SPAG9: variants seen among roughly 807,000 people sequenced by gnomAD.
The protein encoded by SPAG9 is sperm associated antigen 9.
Under a neutral mutation model 166.5 loss-of-function variants are expected in SPAG9, and 35 were observed. That is an observed-to-expected ratio of 0.21 (90% confidence interval 0.16 to 0.28). SPAG9 has a LOEUF of 0.28. Ranked by LOEUF, SPAG9 falls within the 10% of genes least tolerant of loss-of-function variation. SPAG9 has a pLI of 1.00. For missense variants in SPAG9, 1,235 were observed against 1,603.3 expected (o/e 0.77, Z 3.92); for synonymous variants, 534 against 565.5 (o/e 0.94, Z 0.79).
In SPAG9 at chr17:51,053,848, AAAAAAAGT is replaced by A. The variant is rs1450131041; in HGVS notation, c.495+2556_495+2563del. Among the ~76,000 whole-genome samples the A allele has an allele frequency of 8.1e-4, 52 of 64,236 alleles. 1 individual carries two copies. Among genetic ancestry groups the A allele is most frequent in the African/African-American group, 3.9e-3 (51 of 13,008 alleles). The allele number at this position is 64,236 out of a possible 152,430, so 42.1% of individuals were successfully genotyped here. The stretch of plus-strand genomic sequence containing the variant: ...GTGAGACCCTAATTAAAAAAAAAAA[AAAAAAAGT>A]ATATATATATATATATATATATATA... On this transcript the variant is annotated intron_variant, in intron 3 of 29. Transcript: ENST00000262013.
intron 2 of SPAG9, among the ~76,000 whole-genome samples, chr17:51,074,815 A>C (rs1207492034): frequency 6.6e-6 from 1 of 152,040 alleles, no homozygotes; most frequent in Non-Finnish European, 1.5e-5. Context: ...AAAAGGTATG[A>C]CTCTCTGGAC....
chr17:51,113,679 C>CAAA (rs11329853), intron 1 of SPAG9, among the ~76,000 whole-genome samples: 1 of 128,820 alleles, frequency 7.8e-6, no homozygotes, highest in Non-Finnish European at 1.6e-5. Context: ...GACCCCATCT[C>CAAA]AAAAAAAAAA....
chr17:51,036,267 CAT>C (rs760160338), intron 5 of SPAG9, among the ~76,000 whole-genome samples: 44 of 152,256 alleles, frequency 2.9e-4, no homozygotes, highest in African/African-American at 8.9e-4. Flanking sequence ...GTAGTCTACA[CAT>C]GTTATTTCCT....
At position 50,965,083 on chromosome 17, in the gene SPAG9, T is replaced by C. The variant is rs1973297585; in HGVS notation, c.*1189A>G. 6.6e-6 allele frequency: 1 copy of C among 152,266 alleles called. No homozygotes were observed. Among genetic ancestry groups the C allele is most frequent in the Admixed American group, 6.6e-5 (1 of 15,264 alleles). 9.4% of individuals were successfully genotyped at this position (152,266 alleles called of 1,614,324 possible). ...ACCTATTTTTTTTTTTTAATGGGCA[T>C]TGTGAATGAAAATATGTAATGTCAA... On this transcript the variant is annotated 3_prime_UTR_variant, in exon 30 of 30. Transcript: ENST00000262013.
rs201808028 is a variant in SPAG9 at position 51,101,271 on chromosome 17, A to G, written c.303+19083T>C. 1.1e-4 allele frequency among the ~76,000 whole-genome samples: 17 copies of G among 148,356 alleles called. No individual in the cohort carries two copies. The East Asian group carries it at 3.5e-3, about 30-fold the overall frequency. On this transcript the variant is annotated intron_variant, in intron 1 of 29. Coordinates refer to ENST00000262013, the MANE Select transcript of SPAG9 (RefSeq NM_001130528.3). ...TGAGGCAGGAGAATTGCTCAAACCC[A>G]GGAGGCAGAGGTTACAGTGAGCCGA...
chr17:50,993,709 C>CCCA, intron 19 of SPAG9, 55 bp downstream of exon 19: 2 of 1,558,838 alleles, frequency 1.3e-6, no homozygotes, highest in Non-Finnish European at 1.8e-6. Context: ...TACATCAGTG[C>CCCA]CCAGCAGGTA....
chr17:51,003,116 G>A (rs749657243), intron 12 of SPAG9, among the ~76,000 whole-genome samples: 1 of 151,980 alleles, frequency 6.6e-6, no homozygotes, highest in Non-Finnish European at 1.5e-5. Context: ...GCATGCACCT[G>A]TAGTTCCAGC....
intron 2 of SPAG9, among the ~76,000 whole-genome samples, chr17:51,069,892 T>C (rs1292116540): frequency 6.6e-6 from 1 of 152,120 alleles, no homozygotes; most frequent in Non-Finnish European, 1.5e-5. Context: ...CATTTTTCCA[T>C]TTAATTCAAA....
chr17:51,120,765 C>A lies in SPAG9; in HGVS notation c.-109G>T, dbSNP rs898649522. On this transcript the variant is annotated 5_prime_UTR_variant, in exon 1 of 30. Coordinates refer to ENST00000262013, the MANE Select transcript of SPAG9 (RefSeq NM_001130528.3). This position sits in a 1 kb window ranked among gnomAD's most constrained non-coding sequence, Gnocchi z 4.7. ...CTGGGACGGGTACTAGGGCTGGAGC[C>A]CGGGCCGGGGCTGGGGCTGGGCCCG... is the stretch of plus-strand genomic sequence containing the variant. The A allele has an allele frequency of 1.0e-6, 1 of 987,962 alleles. No individual in the cohort carries two copies. Among genetic ancestry groups the A allele is most frequent in the African/African-American group, 1.7e-5 (1 of 57,692 alleles). The allele number at this position is 987,962 out of a possible 1,614,324, so 61.2% of individuals were successfully genotyped here.
chr17:51,095,647 T>C (rs1037824122), intron 1 of SPAG9, among the ~76,000 whole-genome samples: 14 of 147,722 alleles, frequency 9.5e-5, no homozygotes, highest in Admixed American at 8.9e-4. Flanking sequence ...TGAGAATCCA[T>C]CTCCAAAAAA....
At chr17:51,001,585 TA>T in intron 13 of SPAG9, 129 bp downstream of exon 13, 1 of 846,606 alleles carries the variant, frequency 1.2e-6, no homozygotes, top group Non-Finnish European at 1.7e-6. Context: ...AGTGTTACTT[TA>T]AAAAGTCTCT....
At chr17:51,045,605 T>C (rs2046991557) in intron 4 of SPAG9, among the ~76,000 whole-genome samples, 1 of 152,044 alleles carries the variant, frequency 6.6e-6, no homozygotes, top group Non-Finnish European at 1.5e-5. Flanking sequence ...TTTATAAACA[T>C]TTAAATAATA....
intron 12 of SPAG9, among the ~76,000 whole-genome samples, chr17:51,004,157 A>T (rs1247790802): frequency 6.6e-5 from 10 of 150,938 alleles, no homozygotes; most frequent in African/African-American, 9.7e-5. Flanking sequence ...ATATGATAAA[A>T]TTTTTTTTTT....
At chr17:51,026,670 TTTTC>T (rs1370912815) in intron 6 of SPAG9, among the ~76,000 whole-genome samples, 12 of 134,052 alleles carry the variant, frequency 9.0e-5, no homozygotes, top group Non-Finnish European at 1.8e-4. Context: ...TTTCTTTTTC[TTTTC>T]TTTTTTTTTT....
At chr17:50,993,470 C>T (rs569952221) in intron 19 of SPAG9, among the ~76,000 whole-genome samples, 1 of 152,282 alleles carries the variant, frequency 6.6e-6, no homozygotes, top group South Asian at 2.1e-4. Flanking sequence ...TTTAACATCA[C>T]ATAATGTTTA....
chr17:51,032,635 C>G (rs1157755711), intron 5 of SPAG9, among the ~76,000 whole-genome samples: 1 of 151,998 alleles, frequency 6.6e-6, no homozygotes, highest in African/African-American at 2.4e-5. Flanking sequence ...CAGTTATGCC[C>G]TTAAAAATAC....
chr17:51,084,221 A>C (rs1258206343), intron 1 of SPAG9: 2 of 152,092 alleles, frequency 1.3e-5, no homozygotes, highest in South Asian at 2.1e-4. Flanking sequence ...AGGTTACGTT[A>C]AATAGAAAAG....
At chr17:51,112,585 C>T (rs2049145474) in intron 1 of SPAG9, among the ~76,000 whole-genome samples, 1 of 145,884 alleles carries the variant, frequency 6.9e-6, no homozygotes, top group African/African-American at 2.5e-5. Flanking sequence ...GCAAGAGAAT[C>T]GCTTGAACCC....
rs138005218 is a variant in SPAG9, at chr17:51,076,533, C to T, written c.424+3051G>A. ...GGCGGATCACCTGAGGTTGGGAGTT[C>T]GAGACAAGCCTGGCCAACATGGTGA... On this transcript the variant is annotated intron_variant, in intron 2 of 29. Transcript: ENST00000262013. Among the ~76,000 whole-genome samples the T allele has an allele frequency of 6.8e-3, 1,040 of 152,044 alleles. 14 individuals are homozygous for T. The highest frequency in any genetic ancestry group is 0.023 in the African/African-American group (952 of 41,486).
Sources: gnomAD v4.1 joint callset for allele counts (sites outside exome capture counted in the v4.1 genomes callset) on GRCh38, gnomAD v4.1.1 for gene constraint, Gnocchi (gnomAD v3.1) non-coding constraint, MANE v1.5 for transcripts, NCBI Gene and HGNC (gene_info 2026-07-23, HGNC 2026-07-21) for gene names.